The following SPMIP7 variants were observed in gnomAD, a reference collection of about 807,000 sequenced individuals.
The protein encoded by SPMIP7 is protein SPMIP7.
the SPMIP7 span, chr7:50,159,240 G>A: frequency 1.9e-5 from 28 of 1,505,300 alleles, no homozygotes; most frequent in Non-Finnish European, 2.2e-5. Flanking sequence ...GGAAATAAAG[G>A]CTGCTTCTCC....
At chr7:50,147,143 G>T in the SPMIP7 span, among the ~76,000 whole-genome samples, 4 of 152,224 alleles carry the variant, frequency 2.6e-5, no homozygotes, top group South Asian at 2.1e-4. Context: ...TGTGAAAGCT[G>T]TTGGGAGCTA....
the SPMIP7 span, among the ~76,000 whole-genome samples, chr7:50,113,061 A>G: frequency 6.6e-6 from 1 of 152,082 alleles, no homozygotes; most frequent in Non-Finnish European, 1.5e-5. Flanking sequence ...CCCACAAACT[A>G]GAATAAAAAA....
the SPMIP7 span, among the ~76,000 whole-genome samples, chr7:50,129,349 A>T: frequency 6.6e-6 from 1 of 152,052 alleles, no homozygotes; most frequent in African/African-American, 2.4e-5. Flanking sequence ...TGGAAGATAA[A>T]GTATCTCATA....
the SPMIP7 span, chr7:50,129,599 G>A: frequency 2.8e-6 from 2 of 713,838 alleles, no homozygotes; most frequent in Non-Finnish European, 2.4e-6. Flanking sequence ...AATCCAAGAG[G>A]TGCGTGAAAG....
At chr7:50,121,915 C>T in the SPMIP7 span, among the ~76,000 whole-genome samples, 27 of 152,088 alleles carry the variant, frequency 1.8e-4, no homozygotes, top group Non-Finnish European at 1.5e-4. Context: ...CCTCGACCTC[C>T]CAAAGTGCTG....
the SPMIP7 span, among the ~76,000 whole-genome samples, chr7:50,098,807 A>C: frequency 6.8e-6 from 1 of 146,482 alleles, no homozygotes; most frequent in East Asian, 2.0e-4. Context: ...AAATAACATC[A>C]CATTGGGAGT....
At chr7:50,114,140 G>T in the SPMIP7 span, among the ~76,000 whole-genome samples, 61 of 152,104 alleles carry the variant, frequency 4.0e-4, no homozygotes, top group Non-Finnish European at 7.4e-4. Flanking sequence ...ACTGCCAGTA[G>T]ACCTGAAGGA....
chr7:50,142,303 T>A, the SPMIP7 span, among the ~76,000 whole-genome samples: 2 of 152,194 alleles, frequency 1.3e-5, no homozygotes, highest in Non-Finnish European at 2.9e-5. Context: ...AACATATTAT[T>A]TGGGGTCATT....
At chr7:50,146,946 G>T in the SPMIP7 span, among the ~76,000 whole-genome samples, 102 of 152,304 alleles carry the variant, frequency 6.7e-4, no homozygotes, top group African/African-American at 2.3e-3. Context: ...CCTGACTGAT[G>T]GCCAATTATA....
At chr7:50,106,733 C>T in the SPMIP7 span, among the ~76,000 whole-genome samples, 7 of 151,812 alleles carry the variant, frequency 4.6e-5, no homozygotes, top group East Asian at 1.9e-4. Flanking sequence ...TGCAAATATG[C>T]GTAAAATGTT....
At chr7:50,133,956 G>C in the SPMIP7 span, among the ~76,000 whole-genome samples, 2 of 152,064 alleles carry the variant, frequency 1.3e-5, no homozygotes, top group African/African-American at 2.4e-5. Flanking sequence ...TCTGCCTACT[G>C]TCCAGGGGAG....
At chr7:50,116,042 T>C in the SPMIP7 span, among the ~76,000 whole-genome samples, 3 of 152,200 alleles carry the variant, frequency 2.0e-5, no homozygotes, top group Admixed American at 2.0e-4. Flanking sequence ...TAAACAACCC[T>C]AATATTCTTG....
chr7:50,152,527 T>C, the SPMIP7 span, among the ~76,000 whole-genome samples: 62 of 152,250 alleles, frequency 4.1e-4, no homozygotes, highest in African/African-American at 1.5e-3. Flanking sequence ...CTGAACGATG[T>C]CTAGTTGTTG....
At chr7:50,135,790 G>A in the SPMIP7 span, among the ~76,000 whole-genome samples, 37 of 152,284 alleles carry the variant, frequency 2.4e-4, no homozygotes, top group African/African-American at 8.4e-4. Context: ...ATCCAAGTCA[G>A]AACAGTAGCT....
chr7:50,129,008 C>T, the SPMIP7 span, among the ~76,000 whole-genome samples: 3 of 151,932 alleles, frequency 2.0e-5, no homozygotes, highest in African/African-American at 7.2e-5. Context: ...ACAATACATC[C>T]TCGAAGTCAA....
the SPMIP7 span, among the ~76,000 whole-genome samples, chr7:50,149,784 C>T: frequency 6.6e-6 from 1 of 152,128 alleles, no homozygotes; most frequent in Non-Finnish European, 1.5e-5. Context: ...AGTGCAATTC[C>T]CTGCCTGATA....
the SPMIP7 span, among the ~76,000 whole-genome samples, chr7:50,125,127 C>CAT: frequency 4.5e-4 from 7 of 15,602 alleles, 1 homozygote; most frequent in African/African-American, 1.9e-3. Context: ...CACACACACA[C>CAT]ACACACACAC....
At chr7:50,120,432 A>G in the SPMIP7 span, 2 of 152,222 alleles carry the variant, frequency 1.3e-5, no homozygotes, top group African/African-American at 4.8e-5. Context: ...GTTCAGCAAA[A>G]ACACTTAATG....
At chr7:50,140,122 C>T in the SPMIP7 span, 11 of 1,480,410 alleles carry the variant, frequency 7.4e-6, no homozygotes, top group South Asian at 1.3e-4. Flanking sequence ...CCAGTTGCCT[C>T]TCTTCTCTTT....
Sources: allele counts gnomAD v4.1 joint callset (sites outside exome capture counted in the v4.1 genomes callset), GRCh38; gene constraint gnomAD v4.1.1; transcripts MANE v1.5; gene names NCBI Gene and HGNC (gene_info 2026-07-23, HGNC 2026-07-21).